The following GSE1 variants were observed in gnomAD, a reference collection of about 807,000 sequenced individuals.
GSE1 encodes the protein genetic suppressor element 1.
A neutral mutation model predicts 112.6 loss-of-function variants in GSE1; 32 were observed. That is an observed-to-expected ratio of 0.28 (90% CI 0.21 to 0.38). The LOEUF (loss-of-function observed/expected upper bound fraction) is 0.38. Ranked by LOEUF, GSE1 falls within the 10% of genes least tolerant of loss-of-function variation. The probability of loss-of-function intolerance (pLI) is 1.00; values close to 1 mark genes in which losing one functional copy is unlikely to be tolerated. For synonymous variants in GSE1, 1,115 were observed against 735.6 expected (o/e 1.52, Z -8.35); for missense variants, 2,348 against 1,699.2 (o/e 1.38, Z -6.71).
rs528687654 is a variant in GSE1, at chr16:85,281,026, G to A, written c.2284-76437G>A. On this transcript the variant is annotated intron_variant, in intron 1 of 2. Coordinates refer to the GSE1 transcript ENST00000637419. ...CTCTGCCGCCCCATGTCTCTGATGG[G>A]TTGCGGGGAAGTTTGAGATGAACGG... Among the ~76,000 whole-genome samples the A allele has an allele frequency of 3.1e-3, 468 of 152,286 alleles. 1 individual carries two copies. The highest frequency in any genetic ancestry group is 0.011 in the African/African-American group (437 of 41,564).
chr16:85,228,628 T>C (rs1482258486), intron 1 of GSE1, among the ~76,000 whole-genome samples: 1 of 152,136 alleles, frequency 6.6e-6, no homozygotes, highest in Non-Finnish European at 1.5e-5. Context: ...CTGCCTGCAG[T>C]GTATGCCTAA....
intron 1 of GSE1, among the ~76,000 whole-genome samples, chr16:85,226,514 C>A (rs900139652): frequency 6.6e-6 from 1 of 152,180 alleles, no homozygotes; most frequent in Non-Finnish European, 1.5e-5. Context: ...GCCAGATGGC[C>A]TTGGTCGGAG....
intron 2 of GSE1, among the ~76,000 whole-genome samples, chr16:85,462,170 C>T (rs1419588805): frequency 6.6e-6 from 1 of 152,164 alleles, no homozygotes; most frequent in Non-Finnish European, 1.5e-5. Context: ...TCTGCCCCTC[C>T]TTGCCAGAGC....
intron 1 of GSE1, among the ~76,000 whole-genome samples, chr16:85,192,606 C>T (rs2074846565): frequency 1.3e-5 from 2 of 152,198 alleles, no homozygotes; most frequent in Admixed American, 6.5e-5. Context: ...GCCTGTCCCC[C>T]TCACCCTTTT....
At chr16:85,332,361 G>A (rs954969549) in intron 1 of GSE1, among the ~76,000 whole-genome samples, 4 of 152,190 alleles carry the variant, frequency 2.6e-5, no homozygotes, top group Non-Finnish European at 5.9e-5. Flanking sequence ...TACATACCGA[G>A]CATGCACTGC....
chr16:85,471,562 C>G (rs1032321302), intron 2 of GSE1, among the ~76,000 whole-genome samples: 5 of 152,072 alleles, frequency 3.3e-5, no homozygotes, highest in African/African-American at 1.2e-4. Flanking sequence ...TACAGGCACA[C>G]CACCATGCCC....
chr16:85,590,534 CAT>C (rs2046957887), intron 1 of GSE1, among the ~76,000 whole-genome samples: 1 of 146,076 alleles, frequency 6.8e-6, no homozygotes, highest in South Asian at 2.2e-4. Flanking sequence ...ATTGTGTGAG[CAT>C]GTGTGACATT....
At position 85,295,124 on chromosome 16, in the gene GSE1, A is replaced by G. The variant is rs185347359; in HGVS notation, c.2284-62339A>G. Among the ~76,000 whole-genome samples the G allele has an allele frequency of 4.2e-3, 646 of 152,206 alleles. 3 individuals are homozygous for G. Among genetic ancestry groups the G allele is most frequent in the Admixed American group, 4.8e-3 (73 of 15,276 alleles). The stretch of plus-strand genomic sequence containing the variant: ...GGGTTTCAACCTGAATTTGAGGGAG[A>G]TACATTCAGTGCATAGCATCACCCC... On this transcript the variant is annotated intron_variant, in intron 1 of 2. Transcript: ENST00000637419.
At chr16:85,186,035 G>T (rs887999139) in intron 1 of GSE1, among the ~76,000 whole-genome samples, 1 of 152,194 alleles carries the variant, frequency 6.6e-6, no homozygotes, top group Non-Finnish European at 1.5e-5. Context: ...GAGAGACCAC[G>T]ATGGGCCGGG....
intron 1 of GSE1, among the ~76,000 whole-genome samples, chr16:85,230,967 G>C (rs996786897): frequency 2.0e-5 from 3 of 151,866 alleles, no homozygotes; most frequent in Non-Finnish European, 2.9e-5. Context: ...ATAGATGGAT[G>C]GACGGACGGA....
In GSE1 at chr16:85,673,588, C is replaced by A. The variant is rs946236842; in HGVS notation, c.*1049C>A. Reference sequence around the variant, plus strand: ...AGAAGAAGAAAAGTAAAAGAGCTTACCACTGGCGCCTATGCGATCACTTCA... The same window carrying A: ...AGAAGAAGAAAAGTAAAAGAGCTTAACACTGGCGCCTATGCGATCACTTCA... On this transcript the variant is annotated 3_prime_UTR_variant, in exon 16 of 16. Transcript: ENST00000253458. The A allele has an allele frequency of 6.6e-6, 1 of 152,068 alleles. No homozygotes were observed. Among genetic ancestry groups the A allele is most frequent in the Non-Finnish European group, 1.5e-5 (1 of 68,010 alleles). 9.4% of individuals were successfully genotyped at this position (152,068 alleles called of 1,614,324 possible). A position where few individuals can be genotyped will look rare whatever the true frequency, so the allele number is the denominator to read the frequency against.
intron 3 of GSE1, among the ~76,000 whole-genome samples, chr16:85,652,658 C>T (rs2051469951): frequency 6.6e-6 from 1 of 152,180 alleles, no homozygotes; most frequent in African/African-American, 2.4e-5. Context: ...GCGCGGGTGC[C>T]ATGTGCTGCT....
intron 1 of GSE1, among the ~76,000 whole-genome samples, chr16:85,226,998 C>G (rs9319461): frequency 6.6e-6 from 1 of 151,586 alleles, no homozygotes; most frequent in African/African-American, 2.4e-5. Context: ...ATCCAGCCAC[C>G]CACGCATCCC....
chr16:85,171,102 C>A, exon 1 of GSE1: 1 of 985,748 alleles, frequency 1.0e-6, no homozygotes, highest in Non-Finnish European at 1.2e-6. Flanking sequence ...AGGGCCCCAA[C>A]AAGCGCTGTG....
intron 1 of GSE1, among the ~76,000 whole-genome samples, chr16:85,616,080 G>C (rs1383954910): frequency 6.6e-6 from 1 of 152,244 alleles, no homozygotes. Context: ...CCTGCCTGTG[G>C]GCTCAGCATC....
intron 2 of GSE1, among the ~76,000 whole-genome samples, chr16:85,395,701 A>T (rs1183764501): frequency 6.6e-6 from 1 of 151,488 alleles, no homozygotes. Context: ...TCCCTCTGTC[A>T]CGTCCGCCCT....
In GSE1 at chr16:85,654,951, A is replaced by G. The variant is rs774433873; in HGVS notation, c.757A>G (p.Ser253Gly). 2.5e-6 allele frequency: 4 copies of G among 1,607,308 alleles called. No individual in the cohort carries two copies. The highest frequency in any genetic ancestry group is 3.4e-6 in the Non-Finnish European group (4 of 1,178,546). ...CACTGCTGCAGCCTACTACCACCCC[A>G]GCTACCTGGCCCCACACCCCTTCCC... ...PATAAAYYHP[S>G]YLAPHPFPHP... is the part of the protein sequence containing the mutation. Residue 253 changes from serine (S) to glycine (G), a missense_variant, in exon 5 of 16, where the codon AGC becomes GGC. Transcript: ENST00000253458.
chr16:85,617,599 C>T (rs1286449674), intron 1 of GSE1, among the ~76,000 whole-genome samples: 1 of 14,382 alleles, frequency 7.0e-5, no homozygotes, highest in Non-Finnish European at 1.9e-4. Flanking sequence ...TCAACCCTCC[C>T]CCCCCCCCCC....
chr16:85,651,762 C>A (rs1018240654), intron 3 of GSE1, among the ~76,000 whole-genome samples: 6 of 152,190 alleles, frequency 3.9e-5, no homozygotes, highest in African/African-American at 1.2e-4. Context: ...CTGGAGGCCT[C>A]CCCACCAGCC....
Sources: allele counts gnomAD v4.1 joint callset (sites outside exome capture counted in the v4.1 genomes callset), GRCh38; gene constraint gnomAD v4.1.1; transcripts MANE v1.5; gene names NCBI Gene and HGNC (gene_info 2026-07-23, HGNC 2026-07-21).